LRRC53: variants seen among roughly 807,000 people sequenced by gnomAD.
The protein encoded by LRRC53 is leucine-rich repeat-containing protein 53.
A neutral mutation model predicts 13.6 loss-of-function variants in LRRC53; 25 were observed. The observed-to-expected ratio is 1.83, with a 90% CI of 1.34 to 2.56. The LOEUF is 2.56. Ranked by LOEUF, LRRC53 falls within the 30% of genes most tolerant of loss-of-function variation. The pLI, the probability that LRRC53 is intolerant of heterozygous loss-of-function variation, is 0.00. For missense variants in LRRC53, 527 were observed against 275.8 expected (o/e 1.91, Z -6.45); for synonymous variants, 204 against 109.8 (o/e 1.86, Z -5.37).
intron 1 of LRRC53, among the ~76,000 whole-genome samples, chr1:74,486,507 CTTTT>C (rs397940623): frequency 7.3e-6 from 1 of 137,102 alleles, no homozygotes. Flanking sequence ...TTGTTTTTTG[CTTTT>C]TTTTTTTTTG....
At position 74,470,953 on chromosome 1, in the gene LRRC53, A is replaced by C. The variant is rs1667897405; in HGVS notation, c.2669T>G (p.Phe890Cys). ...GTCAGTAGCCCTCCTGGAATGTTGG[A>C]ATGGTAAAACATCACTTCCTGTATT... Reference protein sequence around the residue: ...WENTGSDVLPFQHSRRATDQG... With the variant: ...WENTGSDVLPCQHSRRATDQG... The change falls in exon 5 of 5, where the codon TTC (phenylalanine) becomes TGC (cysteine). Residue 890 changes from phenylalanine to cysteine, a missense_variant. By Grantham distance (205) the Phe-to-Cys change is radical. Transcript: ENST00000294635. 1 of 400,622 alleles carries C rather than the reference A, an allele frequency of 2.5e-6. No homozygotes were observed. Among genetic ancestry groups the C allele is most frequent in the Admixed American group, 4.4e-5 (1 of 22,724 alleles). 24.8% of individuals were successfully genotyped at this position (400,622 alleles called of 1,614,324 possible).
chr1:74,518,986 T>C, the LRRC53 span, among the ~76,000 whole-genome samples: 2 of 116,468 alleles, frequency 1.7e-5, no homozygotes, highest in Non-Finnish European at 3.3e-5. Context: ...CACCCACTAA[T>C]GTGTCATCTA....
the LRRC53 span, among the ~76,000 whole-genome samples, chr1:74,536,884 A>C: frequency 1.3e-5 from 2 of 152,154 alleles, no homozygotes; most frequent in Non-Finnish European, 2.9e-5. Context: ...AATTTCAGCA[A>C]ATAGAGGTCC....
rs1289656732 is a variant in LRRC53 at position 74,480,743 on chromosome 1, T to G, written c.314A>C (p.Lys105Thr). The G allele has an allele frequency of 2.8e-6, 2 of 717,370 alleles. No homozygotes were observed. The highest frequency in any genetic ancestry group is 5.2e-6 in the Non-Finnish European group (2 of 385,108). 44.4% of individuals were successfully genotyped at this position (717,370 alleles called of 1,614,324 possible). Residue 105 changes from lysine (K) to threonine (T), a missense_variant, in exon 3 of 5, where the codon AAG (lysine) becomes ACG (threonine). By Grantham distance (78) the Lys-to-Thr change is moderately conservative. Coordinates refer to ENST00000294635, the MANE Select transcript of LRRC53 (RefSeq NM_001382280.1). Reference sequence around the variant, plus strand: ...CACCAGTACCTGCAGGCTGTGAAGCTTGCTGAAGGTGTGATCAGTGAGCGA... The same window carrying G: ...CACCAGTACCTGCAGGCTGTGAAGCGTGCTGAAGGTGTGATCAGTGAGCGA... ...SSSLTDHTFSKLHSLQVLVLS... is the reference protein window; with the variant it reads ...SSSLTDHTFSTLHSLQVLVLS...
the LRRC53 span, among the ~76,000 whole-genome samples, chr1:74,536,006 A>G: frequency 2.0e-5 from 3 of 152,168 alleles, no homozygotes; most frequent in Non-Finnish European, 2.9e-5. Context: ...TAATGTATCC[A>G]TGGTAGCTCC....
chr1:74,497,652 T>G (rs1669398207), intron 1 of LRRC53, among the ~76,000 whole-genome samples: 1 of 151,896 alleles, frequency 6.6e-6, no homozygotes, highest in Non-Finnish European at 1.5e-5. Flanking sequence ...CCCAGATCAT[T>G]TATTCAGCCT....
chr1:74,503,854 G>A (rs1434805297), intron 1 of LRRC53, among the ~76,000 whole-genome samples: 2 of 152,120 alleles, frequency 1.3e-5, no homozygotes, highest in African/African-American at 2.4e-5. Flanking sequence ...GGGCTGAAAA[G>A]GGAAATATAT....
chr1:74,528,757 T>C, the LRRC53 span, among the ~76,000 whole-genome samples: 1 of 152,222 alleles, frequency 6.6e-6, no homozygotes, highest in Admixed American at 6.5e-5. Flanking sequence ...CTGTTTCTGC[T>C]AAATGAAAGC....
At chr1:74,525,184 G>T in the LRRC53 span, among the ~76,000 whole-genome samples, 252 of 152,218 alleles carry the variant, frequency 1.7e-3, 6 homozygotes, top group East Asian at 0.042. Flanking sequence ...GGGAAGGAAA[G>T]AATGCAGCAG....
At chr1:74,473,235 CT>C (rs933980345) in intron 4 of LRRC53, among the ~76,000 whole-genome samples, 2 of 152,224 alleles carry the variant, frequency 1.3e-5, no homozygotes, top group Admixed American at 1.3e-4. Context: ...TGTCTTATAA[CT>C]TTTACAGATG....
chr1:74,514,291 A>G (rs12036473), upstream of LRRC53, among the ~76,000 whole-genome samples: 1 of 152,026 alleles, frequency 6.6e-6, no homozygotes, highest in Non-Finnish European at 1.5e-5. Flanking sequence ...AATTCTATGT[A>G]TTTGTCAGAG....
the LRRC53 span, among the ~76,000 whole-genome samples, chr1:74,535,483 A>G: frequency 8.5e-5 from 13 of 152,056 alleles, 1 homozygote; most frequent in Admixed American, 5.2e-4. Flanking sequence ...TCAAACAAAC[A>G]AAAAAAGAAT....
chr1:74,517,259 T>C (rs1247063260), upstream of LRRC53, among the ~76,000 whole-genome samples: 4 of 152,230 alleles, frequency 2.6e-5, no homozygotes, highest in African/African-American at 9.6e-5. Context: ...TGGTTTATTA[T>C]ATTCTGTCAG....
intron 1 of LRRC53, among the ~76,000 whole-genome samples, chr1:74,485,896 G>C (rs148820085): frequency 6.6e-6 from 1 of 152,084 alleles, no homozygotes; most frequent in Non-Finnish European, 1.5e-5. Context: ...CAACCAATGC[G>C]CTTAAAAGAG....
chr1:74,497,886 G>A (rs1371780574), intron 1 of LRRC53, among the ~76,000 whole-genome samples: 1 of 152,094 alleles, frequency 6.6e-6, no homozygotes, highest in Non-Finnish European at 1.5e-5. Flanking sequence ...AGTGATACAC[G>A]TTTTCATCAT....
In LRRC53 at chr1:74,475,687, T is replaced by C; in HGVS notation, c.1028A>G (p.His343Arg). The C allele has an allele frequency of 2.8e-6, 2 of 715,098 alleles. No individual in the cohort carries two copies. The highest frequency in any genetic ancestry group is 5.4e-5 in the East Asian group (2 of 37,246). 44.3% of individuals were successfully genotyped at this position (715,098 alleles called of 1,614,324 possible). A position where few individuals can be genotyped will look rare whatever the true frequency, so the allele number is the denominator to read the frequency against. Reference protein sequence around the residue: ...CRTFDEPLCAHEARNYHTKGY... With the variant: ...CRTFDEPLCAREARNYHTKGY... ...CTTAGTGTGGTAATTTCTTGCCTCA[T>C]GAGCACACAGGGGTTCATCGAAGGT... is the stretch of plus-strand genomic sequence containing the variant. The change falls in exon 4 of 5, where the codon CAT (histidine) becomes CGT (arginine). Residue 343 changes from histidine (H) to arginine (R), a missense_variant. His to Arg is a conservative substitution (Grantham distance 29). Transcript: ENST00000294635.
the LRRC53 span, among the ~76,000 whole-genome samples, chr1:74,532,188 G>A: frequency 6.6e-6 from 1 of 152,286 alleles, no homozygotes; most frequent in East Asian, 1.9e-4. Context: ...AAAGTTTAGT[G>A]CATGTGTATC....
the LRRC53 span, among the ~76,000 whole-genome samples, chr1:74,521,017 C>T: frequency 6.6e-6 from 1 of 152,136 alleles, no homozygotes; most frequent in African/African-American, 2.4e-5. Context: ...CACAGATCCA[C>T]CTTCTCTGCT....
chr1:74,473,124 T>C (rs992080568), intron 4 of LRRC53, among the ~76,000 whole-genome samples: 1 of 152,120 alleles, frequency 6.6e-6, no homozygotes, highest in Non-Finnish European at 1.5e-5. Context: ...AGTAATACCA[T>C]TAATTGAGCA....
Sources: gnomAD v4.1 joint callset for allele counts (sites outside exome capture counted in the v4.1 genomes callset) on GRCh38, gnomAD v4.1.1 for gene constraint, MANE v1.5 for transcripts, NCBI Gene and HGNC (gene_info 2026-07-23, HGNC 2026-07-21) for gene names.